STXBP5L: variants seen among roughly 807,000 people sequenced by gnomAD.
STXBP5L encodes the protein syntaxin-binding protein 5-like.
Under a neutral mutation model 144.5 loss-of-function variants are expected in STXBP5L, and 65 were observed. The ratio of observed to expected loss-of-function variants is 0.45; its 90% CI spans 0.37 to 0.55. The LOEUF (loss-of-function observed/expected upper bound fraction) is 0.55, where lower values mean the gene tolerates loss of function less well. Among genes scored for constraint, STXBP5L ranks in the 20% least tolerant of loss-of-function variants. STXBP5L has a pLI of 0.00. For missense variants in STXBP5L, 1,298 were observed against 1,405.5 expected (o/e 0.92, Z 1.22); for synonymous variants, 505 against 469.6 (o/e 1.08, Z -0.97).
At chr3:121,120,435 C>T (rs1245427592) in intron 6 of STXBP5L, among the ~76,000 whole-genome samples, 1 of 151,214 alleles carries the variant, frequency 6.6e-6, no homozygotes, top group East Asian at 1.9e-4. Flanking sequence ...CAAATAGTAA[C>T]TCTAATTTCC....
At chr3:121,302,460 G>T (rs2051956582) in intron 19 of STXBP5L, among the ~76,000 whole-genome samples, 1 of 152,088 alleles carries the variant, frequency 6.6e-6, no homozygotes, top group Non-Finnish European at 1.5e-5. Context: ...CTTGCTAGCG[G>T]TCTATCAATA....
At chr3:121,011,686 T>A (rs746621144) in intron 3 of STXBP5L, among the ~76,000 whole-genome samples, 1 of 151,818 alleles carries the variant, frequency 6.6e-6, no homozygotes, top group Non-Finnish European at 1.5e-5. Flanking sequence ...TTATTACAGA[T>A]ACAATTAAGA....
intron 18 of STXBP5L, among the ~76,000 whole-genome samples, chr3:121,260,922 C>T (rs2050363228): frequency 6.6e-6 from 1 of 152,082 alleles, no homozygotes; most frequent in Non-Finnish European, 1.5e-5. Flanking sequence ...GGAAAGCTGG[C>T]AACCACAGTT....
chr3:120,969,227 A>G (rs950570820), intron 3 of STXBP5L, among the ~76,000 whole-genome samples: 1 of 151,794 alleles, frequency 6.6e-6, no homozygotes, highest in Non-Finnish European at 1.5e-5. Context: ...CTTTTAATTT[A>G]TAGCCATGCT....
intron 18 of STXBP5L, among the ~76,000 whole-genome samples, chr3:121,267,288 C>A (rs2108407876): frequency 6.6e-6 from 1 of 152,272 alleles, no homozygotes; most frequent in Admixed American, 6.5e-5. Context: ...TTTGACAAAC[C>A]TGACGAAAAC....
At chr3:121,057,202 T>C (rs2107616254) in intron 5 of STXBP5L, among the ~76,000 whole-genome samples, 1 of 152,088 alleles carries the variant, frequency 6.6e-6, no homozygotes, top group South Asian at 2.1e-4. Context: ...ATATATATTA[T>C]TCCATTTTTG....
At chr3:121,095,906 T>G (rs1560127375) in intron 5 of STXBP5L, among the ~76,000 whole-genome samples, 1 of 152,146 alleles carries the variant, frequency 6.6e-6, no homozygotes, top group African/African-American at 2.4e-5. Context: ...TTTTTCCCCA[T>G]CTTTGTGATT....
At chr3:121,282,997 G>T (rs1482186661) in intron 19 of STXBP5L, among the ~76,000 whole-genome samples, 1 of 151,974 alleles carries the variant, frequency 6.6e-6, no homozygotes, top group African/African-American at 2.4e-5. Context: ...GTATAGAAAG[G>T]ATGAAGAGTG....
intron 5 of STXBP5L, among the ~76,000 whole-genome samples, chr3:121,082,183 T>C (rs1049819612): frequency 2.0e-5 from 3 of 152,214 alleles, no homozygotes; most frequent in Non-Finnish European, 4.4e-5. Context: ...GGAATTACAT[T>C]AAATCTGTAT....
At chr3:121,283,866 G>A (rs573438599) in intron 19 of STXBP5L, among the ~76,000 whole-genome samples, 1 of 150,780 alleles carries the variant, frequency 6.6e-6, no homozygotes, top group Non-Finnish European at 1.5e-5. Flanking sequence ...GCCTTCTGAA[G>A]GTAGGATCTC....
At chr3:121,387,224 A>G (rs1323051917) in intron 22 of STXBP5L, among the ~76,000 whole-genome samples, 13 of 151,998 alleles carry the variant, frequency 8.6e-5, no homozygotes, top group Admixed American at 7.2e-4. Flanking sequence ...TGTCTGTTCA[A>G]ATCCTTTGCC....
intron 2 of STXBP5L, among the ~76,000 whole-genome samples, chr3:120,931,647 C>T (rs531074310): frequency 2.0e-5 from 3 of 152,030 alleles, no homozygotes; most frequent in Non-Finnish European, 2.9e-5. Context: ...AGCAGGTATG[C>T]TTTAAGAACT....
chr3:120,983,968 G>T (rs944947573), intron 3 of STXBP5L, among the ~76,000 whole-genome samples: 1 of 152,166 alleles, frequency 6.6e-6, no homozygotes, highest in African/African-American at 2.4e-5. Flanking sequence ...CTTAACTGTG[G>T]CATCCCTGGT....
At chr3:121,150,903 C>T (rs563678650) in intron 7 of STXBP5L, among the ~76,000 whole-genome samples, 2 of 152,086 alleles carry the variant, frequency 1.3e-5, no homozygotes, top group South Asian at 2.1e-4. Context: ...GCCTGGCCAA[C>T]GTGGTGAAAC....
rs546586028 is a variant in STXBP5L at position 121,092,182 on chromosome 3, T to C, written c.471-22743T>C. ...TGTTTTGGTTACTGTAGCCTTGTAG[T>C]ATAGTTTGAAGTCAGGTAGCATGAT... On this transcript the variant is annotated intron_variant, in intron 5 of 26. Transcript: ENST00000471454. 3.3e-5 allele frequency among the ~76,000 whole-genome samples: 5 copies of C among 152,270 alleles called. No homozygotes were observed. The East Asian group carries it at 5.8e-4, about 18-fold the overall frequency.
At chr3:121,162,229 A>C (rs2046346894) in intron 9 of STXBP5L, among the ~76,000 whole-genome samples, 1 of 152,210 alleles carries the variant, frequency 6.6e-6, no homozygotes, top group African/African-American at 2.4e-5. Flanking sequence ...TGGTATGAAG[A>C]CGTTGATTTC....
chr3:121,200,596 G>C (rs561256549), intron 9 of STXBP5L, among the ~76,000 whole-genome samples: 12 of 151,910 alleles, frequency 7.9e-5, no homozygotes, highest in African/African-American at 2.7e-4. Context: ...TATCTTTCTT[G>C]CTTTCTGATG....
At chr3:121,359,871 T>A (rs540412190) in intron 20 of STXBP5L, among the ~76,000 whole-genome samples, 1 of 150,122 alleles carries the variant, frequency 6.7e-6, no homozygotes, top group Non-Finnish European at 1.5e-5. Context: ...AATTTGTACC[T>A]CTGTAGTATA....
intron 3 of STXBP5L, among the ~76,000 whole-genome samples, chr3:121,030,229 A>G (rs1025332522): frequency 1.3e-5 from 2 of 152,144 alleles, no homozygotes; most frequent in African/African-American, 4.8e-5. Flanking sequence ...ACATGCACAC[A>G]TATGTTTATT....
Sources: gnomAD v4.1 joint callset for allele counts (sites outside exome capture counted in the v4.1 genomes callset) on GRCh38, gnomAD v4.1.1 for gene constraint, MANE v1.5 for transcripts, NCBI Gene and HGNC (gene_info 2026-07-23, HGNC 2026-07-21) for gene names.